Variants in PTPRN2 observed in about 807,000 individuals in gnomAD.
The protein encoded by PTPRN2 is protein tyrosine phosphatase receptor type N2, also known as receptor-type tyrosine-protein phosphatase N2.
In PTPRN2, 74 loss-of-function variants were observed where a neutral mutation model predicts 118.8. That is an observed-to-expected ratio of 0.62 (90% CI 0.52 to 0.76). The LOEUF is 0.76. PTPRN2 is among the 30% of genes least tolerant of loss of function. The probability of loss-of-function intolerance (pLI) is 0.00; values close to 1 mark genes in which losing one functional copy is unlikely to be tolerated. For synonymous variants in PTPRN2, 641 were observed against 608.0 expected, an observed-to-expected ratio of 1.05 and a Z score of -0.80; for missense variants, 1,481 against 1,394.4, an observed-to-expected ratio of 1.06 and a Z score of -0.99.
chr7:157,594,684 GAGACCCGGGGGCAGCTGGAGAAGGA>G (rs1262743560), intron 17 of PTPRN2, among the ~76,000 whole-genome samples: 3 of 152,242 alleles, frequency 2.0e-5, no homozygotes, highest in Non-Finnish European at 2.9e-5. Flanking sequence ...CTGGTGAGGG[GAGACCCGGGGGCAGCTGGAGAAGGA>G]AGACCCCACC....
rs1240321084 is a variant in PTPRN2, at chr7:158,407,254, T to C, written c.163+82481A>G. On this transcript the variant is annotated intron_variant, in intron 2 of 22. Transcript: ENST00000389418. ...GTCCTGGGTCCTGGGTCCTGCGTCC[T>C]GGGTCCTGGGTCCTGGGTCCTGGGT... Among the ~76,000 whole-genome samples, 138 of 21,056 alleles carry C rather than the reference T, an allele frequency of 6.6e-3. 1 individual carries two copies. Among genetic ancestry groups the C allele is most frequent in the East Asian group, 0.012 (4 of 322 alleles). The allele number at this position is 21,056 out of a possible 152,430, so 13.8% of individuals were successfully genotyped here.
chr7:158,053,366 G>A (rs1172350540), intron 11 of PTPRN2, among the ~76,000 whole-genome samples: 1 of 152,172 alleles, frequency 6.6e-6, no homozygotes, highest in Admixed American at 6.5e-5. Context: ...CACTGGAAGG[G>A]CCCAGCATCC....
At chr7:158,361,481 G>A (rs1473160536) in intron 2 of PTPRN2, among the ~76,000 whole-genome samples, 1 of 152,172 alleles carries the variant, frequency 6.6e-6, no homozygotes, top group Admixed American at 6.5e-5. Flanking sequence ...AACCTCTTTT[G>A]CTCTTTCTTG....
intron 2 of PTPRN2, among the ~76,000 whole-genome samples, chr7:158,366,664 G>A (rs1158819592): frequency 6.6e-6 from 1 of 151,906 alleles, no homozygotes; most frequent in Non-Finnish European, 1.5e-5. Context: ...TGCGGACCAT[G>A]GGTGGTTCTT....
At chr7:158,309,852 C>T (rs1801566569) in intron 3 of PTPRN2, among the ~76,000 whole-genome samples, 1 of 152,190 alleles carries the variant, frequency 6.6e-6, no homozygotes, top group African/African-American at 2.4e-5. Context: ...TTCTGATCCC[C>T]AGTGTGACAG....
chr7:158,046,325 A>G (rs564977299), intron 11 of PTPRN2, among the ~76,000 whole-genome samples: 4 of 134,478 alleles, frequency 3.0e-5, no homozygotes, highest in Admixed American at 2.3e-4. Context: ...GCATCCTGAC[A>G]CTGCGATCCT....
At chr7:157,753,519 G>A (rs1801604277) in intron 12 of PTPRN2, among the ~76,000 whole-genome samples, 1 of 152,132 alleles carries the variant, frequency 6.6e-6, no homozygotes, top group African/African-American at 2.4e-5. Context: ...CAGCCCTAGT[G>A]GCCTCCGTCT....
intron 2 of PTPRN2, among the ~76,000 whole-genome samples, chr7:158,353,203 T>C (rs1808143580): frequency 6.6e-6 from 1 of 152,240 alleles, no homozygotes; most frequent in East Asian, 1.9e-4. Flanking sequence ...ACGATGCAGA[T>C]GTGGTCCTCA....
At position 157,870,288 on chromosome 7, in the gene PTPRN2, G is replaced by C. The variant is rs1165246212; in HGVS notation, c.1788+28385C>G. On this transcript the variant is annotated intron_variant, in intron 12 of 22. Coordinates refer to ENST00000389418, the MANE Select transcript of PTPRN2 (RefSeq NM_002847.5). The stretch of plus-strand genomic sequence containing the variant: ...TCTCTCCAATTAGGATATAAACAAG[G>C]TTAATTTTTTCCTTGCAAATTGATG... 1.6e-4 allele frequency among the ~76,000 whole-genome samples: 25 copies of C among 152,160 alleles called. 1 individual carries two copies. Among genetic ancestry groups the C allele is most frequent in the Admixed American group, 1.6e-3 (25 of 15,278 alleles).
chr7:158,150,360 G>A (rs1820848796), intron 6 of PTPRN2, among the ~76,000 whole-genome samples: 1 of 152,226 alleles, frequency 6.6e-6, no homozygotes, highest in Non-Finnish European at 1.5e-5. Context: ...GGCTCACCAA[G>A]GGTGTACCCC....
Position 158,325,657 on chromosome 7 carries a change from G to A in PTPRN2, c.164-8725C>T, listed in dbSNP as rs370345208. Among the ~76,000 whole-genome samples, 8 of 152,352 alleles carry A rather than the reference G, an allele frequency of 5.3e-5. 1 individual carries two copies. In the South Asian group the frequency reaches 1.7e-3, roughly 32 times the overall value. ...GCAGAAAAGGCACCCCAATTACGAA[G>A]CCTTTGCAGATGAGAGGCGTGGGAG... On this transcript the variant is annotated intron_variant, in intron 2 of 22. Coordinates refer to ENST00000389418, the MANE Select transcript of PTPRN2 (RefSeq NM_002847.5).
intron 2 of PTPRN2, among the ~76,000 whole-genome samples, chr7:158,387,137 G>A (rs1811454153): frequency 6.6e-6 from 1 of 152,254 alleles, no homozygotes; most frequent in African/African-American, 2.4e-5. Flanking sequence ...ATCCCCAGGA[G>A]GCTGGGAAAG....
rs144498598 is a variant in PTPRN2 at position 158,304,155 on chromosome 7, G to C, written c.277+12664C>G. ...ATAAGACATCCATCAATACACATAA[G>C]ATGTACACAGGCTTGGATTTCTACA... On this transcript the variant is annotated intron_variant, in intron 3 of 22. Transcript: ENST00000389418. Among the ~76,000 whole-genome samples the C allele has an allele frequency of 8.5e-3, 1,264 of 148,342 alleles. 27 individuals carry two copies. The highest frequency in any genetic ancestry group is 0.03 in the African/African-American group (1,198 of 39,534).
chr7:158,259,544 C>T (rs1040929936), intron 3 of PTPRN2, among the ~76,000 whole-genome samples: 1 of 152,306 alleles, frequency 6.6e-6, no homozygotes, highest in East Asian at 1.9e-4. Context: ...TAGAGGAGGG[C>T]GTGTCTGCCA....
chr7:157,939,371 G>C (rs1322404674), intron 11 of PTPRN2, among the ~76,000 whole-genome samples: 2 of 152,246 alleles, frequency 1.3e-5, no homozygotes, highest in Non-Finnish European at 2.9e-5. Context: ...ACACATGTGG[G>C]CCATTCTGTT....
At chr7:157,553,020 C>A (rs966484444) in intron 21 of PTPRN2, among the ~76,000 whole-genome samples, 1 of 152,228 alleles carries the variant, frequency 6.6e-6, no homozygotes, top group Non-Finnish European at 1.5e-5. Context: ...TTCTCTGAAG[C>A]CTTCCAGGCA....
At chr7:158,184,756 T>A (rs1825001472) in intron 5 of PTPRN2, among the ~76,000 whole-genome samples, 1 of 152,010 alleles carries the variant, frequency 6.6e-6, no homozygotes, top group Admixed American at 6.6e-5. Flanking sequence ...AGGGTTGCAG[T>A]GAGCCAAGAT....
intron 1 of PTPRN2, among the ~76,000 whole-genome samples, chr7:158,515,060 T>C (rs1823433636): frequency 6.6e-6 from 1 of 152,088 alleles, no homozygotes; most frequent in Non-Finnish European, 1.5e-5. Flanking sequence ...AAGACGATGA[T>C]CCGAAAACAG....
intron 12 of PTPRN2, among the ~76,000 whole-genome samples, chr7:157,820,887 C>G (rs543139702): frequency 6.6e-6 from 1 of 152,354 alleles, no homozygotes; most frequent in South Asian, 2.1e-4. Context: ...CTGGGGCTCA[C>G]TTTTTGCCCT....
Sources: gnomAD v4.1 joint callset for allele counts (sites outside exome capture counted in the v4.1 genomes callset) on GRCh38, gnomAD v4.1.1 for gene constraint, MANE v1.5 for transcripts, NCBI Gene and HGNC (gene_info 2026-07-23, HGNC 2026-07-21) for gene names.